Variants in CD28 observed in about 807,000 individuals in gnomAD.
CD28 encodes T-cell-specific surface glycoprotein CD28.
CD28 carries 8 observed loss-of-function variants against 21.4 expected under a neutral mutation model. The ratio of observed to expected loss-of-function variants is 0.37; its 90% confidence interval spans 0.22 to 0.68. CD28 has a LOEUF of 0.68. Ranked by LOEUF, CD28 falls within the 30% of genes least tolerant of loss-of-function variation. The pLI, the probability that CD28 is intolerant of heterozygous loss-of-function variation, is 0.55. For missense variants in CD28, 239 were observed against 272.2 expected (o/e 0.88, Z 0.86); for synonymous variants, 106 against 104.0 (o/e 1.02, Z -0.12).
At chr2:203,717,890 ACTTT>A (rs1184266981) in intron 1 of CD28, among the ~76,000 whole-genome samples, 2 of 152,224 alleles carry the variant, frequency 1.3e-5, no homozygotes, top group Non-Finnish European at 2.9e-5. Flanking sequence ...AAATGGGAAG[ACTTT>A]CAAGATAACA....
chr2:203,707,616 T>C (rs1191540278), intron 1 of CD28, among the ~76,000 whole-genome samples: 3 of 152,226 alleles, frequency 2.0e-5, no homozygotes, highest in African/African-American at 7.2e-5. Flanking sequence ...AGGAGGATAA[T>C]ACATCTAGCA....
At chr2:203,717,173 T>C (rs1693482776) in intron 1 of CD28, among the ~76,000 whole-genome samples, 1 of 152,352 alleles carries the variant, frequency 6.6e-6, no homozygotes, top group East Asian at 1.9e-4. Flanking sequence ...ATCAGGATTC[T>C]ATTTCTATTT....
rs1470882521 is a variant in CD28, at chr2:203,716,701, G to T, written c.53-9932G>T. Among the ~76,000 whole-genome samples the T allele has an allele frequency of 2.0e-5, 3 of 152,166 alleles. No individual in the cohort carries two copies. In the East Asian group the frequency reaches 5.8e-4, roughly 29 times the overall value. Reference sequence around the variant, plus strand: ...TTGACTTACTTTCTGACAGTTACATGTAGCACAATAATTTTTTTAAGAGGA... The same window carrying T: ...TTGACTTACTTTCTGACAGTTACATTTAGCACAATAATTTTTTTAAGAGGA... On this transcript the variant is annotated intron_variant, in intron 1 of 3. Coordinates refer to ENST00000324106, the MANE Select transcript of CD28 (RefSeq NM_006139.4).
rs1192032469 is a variant in CD28 at position 203,735,990 on chromosome 2, AGAGT to A, written c.*1082_*1085del. 6.9e-6 allele frequency: 1 copy of A among 144,598 alleles called. No individual in the cohort carries two copies. The highest frequency in any genetic ancestry group is 1.6e-5 in the Non-Finnish European group (1 of 63,424). The allele number at this position is 144,598 out of a possible 1,614,324, so 9.0% of individuals were successfully genotyped here. On this transcript the variant is annotated 3_prime_UTR_variant, in exon 4 of 4. Transcript: ENST00000324106. ...GCCACAGCTCTCCAGCCTGGGCGACAGAGTGAGACTCCATCTCAAACAACAACAA... is the reference window on the plus strand; with the variant it reads ...GCCACAGCTCTCCAGCCTGGGCGACAGAGACTCCATCTCAAACAACAACAA...
chr2:203,731,118 G>T (rs528147423), intron 3 of CD28, among the ~76,000 whole-genome samples: 43 of 152,298 alleles, frequency 2.8e-4, no homozygotes, highest in African/African-American at 9.9e-4. Context: ...CAAAGTGGTT[G>T]CTTGTTCCTG....
chr2:203,717,348 T>G (rs941726597), intron 1 of CD28, among the ~76,000 whole-genome samples: 1 of 152,240 alleles, frequency 6.6e-6, no homozygotes, highest in Non-Finnish European at 1.5e-5. Context: ...CTTCTCTTGA[T>G]GGAAGTCATT....
intron 2 of CD28, among the ~76,000 whole-genome samples, chr2:203,728,980 T>A (rs1693821184): frequency 6.6e-6 from 1 of 152,176 alleles, no homozygotes; most frequent in Non-Finnish European, 1.5e-5. Flanking sequence ...GTGCTGGACA[T>A]CAGTATATTT....
In CD28 at chr2:203,726,745, T is replaced by G. The variant is rs1693759920; in HGVS notation, c.165T>G (p.Leu55=). 6.2e-7 allele frequency: 1 copy of G among 1,614,148 alleles called. No homozygotes were observed. Among genetic ancestry groups the G allele is most frequent in the Non-Finnish European group, 8.5e-7 (1 of 1,180,016 alleles). The part of the protein sequence containing the change: ...NLFSREFRAS[L]HKGLDSAVEV... ...TCTCAAGGGAGTTCCGGGCATCCCT[T>G]CACAAAGGACTGGATAGTGCTGTGG... Residue 55 remains leucine, a synonymous_variant, in exon 2 of 4, where the codon CTT becomes CTG. Coordinates refer to ENST00000324106, the MANE Select transcript of CD28 (RefSeq NM_006139.4).
At chr2:203,713,834 TGAGAGAGAGAGAGAGAGGGAGA>T (rs1241205211) in intron 1 of CD28, among the ~76,000 whole-genome samples, 1 of 129,696 alleles carries the variant, frequency 7.7e-6, no homozygotes, top group Non-Finnish European at 1.6e-5. Context: ...GTGCTGGACC[TGAGAGAGAGAGAGAGAGGGAGA>T]GAGAGAGAGA....
chr2:203,723,249 G>A (rs1237279378), intron 1 of CD28, among the ~76,000 whole-genome samples: 1 of 152,112 alleles, frequency 6.6e-6, no homozygotes, highest in African/African-American at 2.4e-5. Flanking sequence ...CTTGTATCAA[G>A]GCTGAGGCAG....
At chr2:203,706,876 C>A (rs1467298168) in intron 1 of CD28, 128 bp downstream of exon 1, 1 of 696,676 alleles carries the variant, frequency 1.4e-6, no homozygotes, top group Non-Finnish European at 2.5e-6. Context: ...TGTAATAGGG[C>A]AATGTGTTAT....
At position 203,729,782 on chromosome 2, in the gene CD28, G is replaced by T. The variant is rs768447360; in HGVS notation, c.534+10G>T. The T allele has an allele frequency of 4.3e-6, 7 of 1,611,638 alleles. No individual in the cohort carries two copies. The highest frequency in any genetic ancestry group is 5.9e-6 in the Non-Finnish European group (7 of 1,179,162). Reference sequence around the variant, plus strand: ...CTTTATTATTTTCTGGGTAAGAGAAGCAGCACTGCTTTTATGTAACTTTTC... The same window carrying T: ...CTTTATTATTTTCTGGGTAAGAGAATCAGCACTGCTTTTATGTAACTTTTC... On this transcript the variant is annotated intron_variant, in intron 3 of 3. Transcript: ENST00000324106.
At chr2:203,730,949 T>C (rs1411068279) in intron 3 of CD28, among the ~76,000 whole-genome samples, 1 of 152,224 alleles carries the variant, frequency 6.6e-6, no homozygotes, top group Non-Finnish European at 1.5e-5. Context: ...CTTCCTATTA[T>C]CCAGTCTTAG....
rs905084161 is a variant in CD28 at position 203,733,579 on chromosome 2, GAGA to G, written c.535-1199_535-1197del. On this transcript the variant is annotated intron_variant, in intron 3 of 3. Coordinates refer to ENST00000324106, the MANE Select transcript of CD28 (RefSeq NM_006139.4). ...TAAGATTGCCTAGGGAAAGAGGATA[GAGA>G]AGAAGGCCTAGGACCAAGCAGTGAG... 6.3e-4 allele frequency among the ~76,000 whole-genome samples: 96 copies of G among 152,220 alleles called. No homozygotes were observed. In the Middle Eastern group the frequency reaches 0.017, roughly 27 times the overall value.
intron 1 of CD28, among the ~76,000 whole-genome samples, chr2:203,725,235 A>T (rs565310755): frequency 6.6e-6 from 1 of 152,008 alleles, no homozygotes; most frequent in East Asian, 1.9e-4. Context: ...GGTTGCAGTC[A>T]GCTGAGATCG....
chr2:203,719,556 T>C (rs962991525), intron 1 of CD28, among the ~76,000 whole-genome samples: 4 of 152,144 alleles, frequency 2.6e-5, no homozygotes, highest in African/African-American at 9.7e-5. Context: ...AAATGAACAA[T>C]AGATTAGAAG....
intron 2 of CD28, among the ~76,000 whole-genome samples, chr2:203,728,184 C>T (rs1406853175): frequency 2.0e-5 from 3 of 152,166 alleles, no homozygotes; most frequent in Non-Finnish European, 2.9e-5. Context: ...TGCTATTAAT[C>T]AACTGTGTGA....
intron 1 of CD28, among the ~76,000 whole-genome samples, chr2:203,719,251 T>C (rs1431268921): frequency 6.6e-6 from 1 of 152,060 alleles, no homozygotes; most frequent in Admixed American, 6.5e-5. Context: ...TCTCTTTTTT[T>C]CCCCCCAATA....
intron 1 of CD28, among the ~76,000 whole-genome samples, chr2:203,724,571 A>T (rs1693689058): frequency 6.6e-6 from 1 of 152,106 alleles, no homozygotes; most frequent in Admixed American, 6.5e-5. Flanking sequence ...TTTTGTAGAG[A>T]TGGGTTCTTT....
Sources: gnomAD v4.1 joint callset for allele counts (sites outside exome capture counted in the v4.1 genomes callset) on GRCh38, gnomAD v4.1.1 for gene constraint, MANE v1.5 for transcripts, NCBI Gene and HGNC (gene_info 2026-07-23, HGNC 2026-07-21) for gene names.